Variants in DNAJB11 observed in about 807,000 individuals in gnomAD.
DNAJB11 encodes the protein DnaJ heat shock protein family (Hsp40) member B11.
DNAJB11 carries 30 observed loss-of-function variants against 47.2 expected under a neutral mutation model. That is an observed-to-expected ratio of 0.64 (90% CI 0.48 to 0.86). The LOEUF (loss-of-function observed/expected upper bound fraction) is 0.86. Ranked by LOEUF, DNAJB11 falls within the 40% of genes least tolerant of loss-of-function variation. DNAJB11 has a pLI of 0.00. For synonymous variants in DNAJB11, 151 were observed against 159.9 expected (o/e 0.94, Z 0.42); for missense variants, 357 against 440.2 (o/e 0.81, Z 1.69).
In DNAJB11 at chr3:186,582,702, T is replaced by C. The variant is rs937019444; in HGVS notation, c.683-14T>C. ...TTGTATGATTTACAATATGCTGTAATCTGCTCTGACTAGGTGAGCCTCACG... is the reference window on the plus strand; with the variant it reads ...TTGTATGATTTACAATATGCTGTAACCTGCTCTGACTAGGTGAGCCTCACG... On this transcript the variant is annotated splice_polypyrimidine_tract_variant and intron_variant, in intron 6 of 9. Coordinates refer to ENST00000265028, the MANE Select transcript of DNAJB11 (RefSeq NM_016306.6). 1 of 1,582,818 alleles carries C rather than the reference T, an allele frequency of 6.3e-7. No individual in the cohort carries two copies. The highest frequency in any genetic ancestry group is 8.6e-7 in the Non-Finnish European group (1 of 1,161,870).
chr3:186,581,548 A>G, intron 5 of DNAJB11, 35 bp downstream of exon 5: 1 of 1,601,782 alleles, frequency 6.2e-7, no homozygotes, highest in Non-Finnish European at 8.5e-7. Flanking sequence ...CTACCAAGAA[A>G]CACTTGTTAA....
chr3:186,575,953 A>G lies in DNAJB11; in HGVS notation c.323+16A>G, dbSNP rs376563893. ...TTTTTTCACAGTGAGTAATTTACCCATCTGCAAAGTGTTAGTGTCTGAGAG... is the reference window on the plus strand; with the variant it reads ...TTTTTTCACAGTGAGTAATTTACCCGTCTGCAAAGTGTTAGTGTCTGAGAG... On this transcript the variant is annotated intron_variant, in intron 3 of 9. Transcript: ENST00000265028. The G allele has an allele frequency of 1.2e-4, 187 of 1,569,568 alleles. No homozygotes were observed. The highest frequency in any genetic ancestry group is 1.2e-4 in the Non-Finnish European group (135 of 1,139,926).
intron 2 of DNAJB11, among the ~76,000 whole-genome samples, chr3:186,573,730 A>C (rs1265405978): frequency 6.6e-6 from 1 of 152,198 alleles, no homozygotes; most frequent in African/African-American, 2.4e-5. Flanking sequence ...AAACTTGGGA[A>C]GGTTAATGGC....
chr3:186,573,968 A>G (rs980468160), intron 2 of DNAJB11, among the ~76,000 whole-genome samples: 6 of 152,236 alleles, frequency 3.9e-5, no homozygotes, highest in Non-Finnish European at 5.9e-5. Flanking sequence ...TTATTTAACT[A>G]TAACAATCCT....
At chr3:186,584,290 A>T in intron 8 of DNAJB11, 140 bp from the exon 9 acceptor site, 2 of 826,932 alleles carry the variant, frequency 2.4e-6, no homozygotes, top group Non-Finnish European at 3.6e-6. Context: ...ACATTGTCTT[A>T]ATGGTATTTC....
chr3:186,583,024 A>G (rs1423411061), intron 7 of DNAJB11, among the ~76,000 whole-genome samples: 1 of 152,268 alleles, frequency 6.6e-6, no homozygotes, highest in Non-Finnish European at 1.5e-5. Context: ...GTTATAAAAG[A>G]GAAACAAACA....
intron 2 of DNAJB11, among the ~76,000 whole-genome samples, chr3:186,574,117 C>T (rs1471027969): frequency 1.3e-5 from 2 of 152,220 alleles, no homozygotes; most frequent in Admixed American, 1.3e-4. Context: ...TTTGTTTTCT[C>T]TACAGAGCTA....
intron 8 of DNAJB11, 132 bp downstream of exon 8, chr3:186,584,108 T>TA (rs1330736198): frequency 9.1e-5 from 64 of 704,588 alleles, no homozygotes; most frequent in Non-Finnish European, 1.3e-4. Context: ...CGTCTGTACT[T>TA]ACTCTGCTGC....
chr3:186,570,727 G>A lies in DNAJB11; in HGVS notation c.-171G>A. ...CTCTCACCGGGACTCGGGACTCCCGGGAAGTGGACCGGCAGAAGAGGGGGC... is the reference window on the plus strand; with the variant it reads ...CTCTCACCGGGACTCGGGACTCCCGAGAAGTGGACCGGCAGAAGAGGGGGC... On this transcript the variant is annotated 5_prime_UTR_variant, in exon 1 of 10. Transcript: ENST00000265028. The A allele has an allele frequency of 1.5e-6, 1 of 650,496 alleles. No homozygotes were observed. Among genetic ancestry groups the A allele is most frequent in the Non-Finnish European group, 2.7e-6 (1 of 375,242 alleles). The allele number at this position is 650,496 out of a possible 1,614,324, so 40.3% of individuals were successfully genotyped here. A position where few individuals can be genotyped will look rare whatever the true frequency, so the allele number is the denominator to read the frequency against.
In DNAJB11 at chr3:186,570,809, C is replaced by G; in HGVS notation, c.-89C>G. On this transcript the variant is annotated 5_prime_UTR_variant, in exon 1 of 10. Transcript: ENST00000265028. ...CCCGCGCCCCCCCGGTGTGAGGCGG[C>G]CTCACAGGGCCGGGTGGGCTGGCGA... The G allele has an allele frequency of 7.8e-7, 1 of 1,286,166 alleles. No homozygotes were observed. The highest frequency in any genetic ancestry group is 1.1e-6 in the Non-Finnish European group (1 of 914,762). 79.7% of individuals were successfully genotyped at this position (1,286,166 alleles called of 1,614,324 possible). A position where few individuals can be genotyped will look rare whatever the true frequency, so the allele number is the denominator to read the frequency against.
rs1345821757 is a variant in DNAJB11 at position 186,579,253 on chromosome 3, A to T, written c.456+1453A>T. On this transcript the variant is annotated intron_variant, in intron 4 of 9. Coordinates refer to ENST00000265028, the MANE Select transcript of DNAJB11 (RefSeq NM_016306.6). ...TCACTCCTACTTCTGTCTGCTCTTA[A>T]CTTTCTTTTAAATACAAAAAATAAA... The T allele has an allele frequency of 2.0e-5, 3 of 152,142 alleles. No homozygotes were observed. The East Asian group carries it at 5.8e-4, about 29-fold the overall frequency. The allele number at this position is 152,142 out of a possible 1,614,324, so 9.4% of individuals were successfully genotyped here. A position where few individuals can be genotyped will look rare whatever the true frequency, so the allele number is the denominator to read the frequency against.
chr3:186,573,763 T>A (rs1265972886), intron 2 of DNAJB11, among the ~76,000 whole-genome samples: 2 of 152,208 alleles, frequency 1.3e-5, no homozygotes, highest in Non-Finnish European at 2.9e-5. Flanking sequence ...ATATGTAATA[T>A]TTTGTTTCTT....
intron 4 of DNAJB11, 94 bp from the exon 5 acceptor site, chr3:186,581,277 C>A: frequency 7.1e-7 from 1 of 1,401,176 alleles, no homozygotes; most frequent in Non-Finnish European, 9.7e-7. Flanking sequence ...GGGGAAGTTT[C>A]AGTCCAGGCA....
At chr3:186,572,354 TA>T (rs374076917) in intron 2 of DNAJB11, 103 bp downstream of exon 2, 230,604 of 1,173,662 alleles carry the variant, frequency 0.2, 26,770 homozygotes, top group African/African-American at 0.48. Flanking sequence ...TTTATTTATT[TA>T]TTTATTTTGA....
chr3:186,570,957 G>A lies in DNAJB11; in HGVS notation c.60G>A (p.Val20=), dbSNP rs1446145842. The change falls in exon 1 of 10, where the codon GTG becomes GTA. Residue 20 remains valine, a synonymous_variant. Coordinates refer to ENST00000265028, the MANE Select transcript of DNAJB11 (RefSeq NM_016306.6). The stretch of plus-strand genomic sequence containing the variant: ...TGCTGCTATACCTCATCGGGGCGGT[G>A]ATTGCCGGGTGAGGAACAGACACTC... ...CLLLLYLIGA[V]IAGRDFYKIL... The A allele has an allele frequency of 4.0e-6, 6 of 1,508,884 alleles. No homozygotes were observed. The highest frequency in any genetic ancestry group is 1.4e-5 in the African/African-American group (1 of 72,086). The allele number at this position is 1,508,884 out of a possible 1,614,324, so 93.5% of individuals were successfully genotyped here.
intron 5 of DNAJB11, among the ~76,000 whole-genome samples, chr3:186,581,771 T>C (rs978978113): frequency 1.3e-5 from 2 of 152,144 alleles, no homozygotes; most frequent in Admixed American, 1.3e-4. Context: ...TTCTTCCTTC[T>C]TGTACTATTA....
Position 186,570,757 on chromosome 3 carries a change from T to TA in DNAJB11, c.-140dup. On this transcript the variant is annotated 5_prime_UTR_variant, in exon 1 of 10. Coordinates refer to ENST00000265028, the MANE Select transcript of DNAJB11 (RefSeq NM_016306.6). The stretch of plus-strand genomic sequence containing the variant: ...TGGACCGGCAGAAGAGGGGGCTAGC[T>TA]AGCTGTCTCTGCGGACCAAGGAGAC... 3 of 730,162 alleles carry TA rather than the reference T, an allele frequency of 4.1e-6. No homozygotes were observed. The highest frequency in any genetic ancestry group is 7.0e-6 in the Non-Finnish European group (3 of 431,608). 45.2% of individuals were successfully genotyped at this position (730,162 alleles called of 1,614,324 possible).
In DNAJB11 at chr3:186,578,376, C is replaced by T. The variant is rs1200269936; in HGVS notation, c.456+576C>T. 2 of 152,072 alleles carry T rather than the reference C, an allele frequency of 1.3e-5. 1 individual carries two copies. Among genetic ancestry groups the T allele is most frequent in the East Asian group, 3.9e-4 (2 of 5,192 alleles). 9.4% of individuals were successfully genotyped at this position (152,072 alleles called of 1,614,324 possible). ...ATCCATATTTCCAGGTTCAGATGAA[C>T]AAGAATATCTCTTGGGTGGATATGC... is the stretch of plus-strand genomic sequence containing the variant. On this transcript the variant is annotated intron_variant, in intron 4 of 9. Transcript: ENST00000265028.
chr3:186,580,120 G>A (rs1205309113), intron 4 of DNAJB11: 2 of 152,254 alleles, frequency 1.3e-5, no homozygotes, highest in Admixed American at 6.5e-5. Context: ...CCTAATTAGC[G>A]CCCATGTTCC....
Sources: allele counts gnomAD v4.1 joint callset (sites outside exome capture counted in the v4.1 genomes callset), GRCh38; gene constraint gnomAD v4.1.1; transcripts MANE v1.5; gene names NCBI Gene and HGNC (gene_info 2026-07-23, HGNC 2026-07-21).